The following KLHL1 variants were observed in gnomAD, a reference collection of about 807,000 sequenced individuals.
The protein encoded by KLHL1 is kelch like family member 1, also known as kelch-like protein 1.
KLHL1 carries 47 observed loss-of-function variants against 77.7 expected under a neutral mutation model. That is an observed-to-expected ratio of 0.60 (90% CI 0.48 to 0.77). The LOEUF (loss-of-function observed/expected upper bound fraction) is 0.77, where lower values mean the gene tolerates loss of function less well. KLHL1 is among the 30% of genes least tolerant of loss of function. The pLI is 0.00. For synonymous variants in KLHL1, 360 were observed against 325.2 expected, an observed-to-expected ratio of 1.11 and a Z score of -1.15; for missense variants, 925 against 910.8, an observed-to-expected ratio of 1.02 and a Z score of -0.20.
At position 69,706,267 on chromosome 13, in the gene KLHL1, CCTT is replaced by C. The variant is rs1447588121; in HGVS notation, c.2187+1355_2187+1357del. ...GATATTTCCCCTTCTTTTCTCTACT[CCTT>C]CTTTTTACTTACTTGGCTAAATGTA... On this transcript the variant is annotated intron_variant, in intron 10 of 10. Coordinates refer to ENST00000377844, the MANE Select transcript of KLHL1 (RefSeq NM_020866.3). Among the ~76,000 whole-genome samples the C allele has an allele frequency of 7.9e-5, 12 of 151,812 alleles. No individual in the cohort carries two copies. In the East Asian group the frequency reaches 1.5e-3, roughly 20 times the overall value.
intron 5 of KLHL1, among the ~76,000 whole-genome samples, chr13:69,859,514 T>C (rs992130645): frequency 1.9e-4 from 29 of 152,174 alleles, no homozygotes; most frequent in Admixed American, 1.6e-3. Flanking sequence ...CCCTCTAGGA[T>C]ATGCTAAAAA....
intron 7 of KLHL1, among the ~76,000 whole-genome samples, chr13:69,766,543 A>G (rs1875312845): frequency 6.6e-6 from 1 of 151,832 alleles, no homozygotes; most frequent in Admixed American, 6.6e-5. Flanking sequence ...AAAAAATAAT[A>G]ATGATACTTC....
intron 1 of KLHL1, among the ~76,000 whole-genome samples, chr13:70,095,146 C>T (rs1887756279): frequency 6.6e-6 from 1 of 152,086 alleles, no homozygotes; most frequent in South Asian, 2.1e-4. Context: ...TTGATCTACC[C>T]AGCATAATGA....
intron 5 of KLHL1, among the ~76,000 whole-genome samples, chr13:69,867,857 TG>T (rs1264843549): frequency 3.2e-4 from 24 of 74,182 alleles, no homozygotes; most frequent in Admixed American, 2.0e-3. Context: ...TGTTGTGGGG[TG>T]GGGGGAGGGG....
chr13:70,010,835 T>A (rs1426417636), intron 1 of KLHL1, among the ~76,000 whole-genome samples: 1 of 151,734 alleles, frequency 6.6e-6, no homozygotes, highest in African/African-American at 2.4e-5. Flanking sequence ...GAGGTTGCAG[T>A]GAGCCAAGAT....
chr13:70,007,426 C>A (rs1272375081), intron 1 of KLHL1, among the ~76,000 whole-genome samples: 1 of 150,442 alleles, frequency 6.6e-6, no homozygotes, highest in East Asian at 1.9e-4. Flanking sequence ...TCCTGGGCAA[C>A]ACAGCAATAT....
intron 1 of KLHL1, among the ~76,000 whole-genome samples, chr13:69,985,563 C>A (rs943733505): frequency 1.5e-4 from 23 of 151,338 alleles, no homozygotes; most frequent in Admixed American, 6.6e-5. Flanking sequence ...TTAGTACAGC[C>A]ATTATAGACC....
At chr13:69,885,867 T>C (rs1026846620) in intron 4 of KLHL1, among the ~76,000 whole-genome samples, 1 of 152,182 alleles carries the variant, frequency 6.6e-6, no homozygotes, top group Non-Finnish European at 1.5e-5. Flanking sequence ...CTCTGTAGAA[T>C]CCAGCTTTTC....
chr13:70,001,581 G>GTCCA (rs1885288767), intron 1 of KLHL1, among the ~76,000 whole-genome samples: 2 of 146,618 alleles, frequency 1.4e-5, no homozygotes, highest in African/African-American at 5.0e-5. Flanking sequence ...TGATCTATGT[G>GTCCA]TCTATCTATC....
At chr13:69,979,982 C>T (rs1884661069) in intron 1 of KLHL1, among the ~76,000 whole-genome samples, 2 of 152,212 alleles carry the variant, frequency 1.3e-5, no homozygotes, top group South Asian at 2.1e-4. Context: ...ACTTCCATAA[C>T]TACCCATCTA....
chr13:69,930,347 T>C (rs563942666), intron 4 of KLHL1, among the ~76,000 whole-genome samples: 1 of 151,854 alleles, frequency 6.6e-6, no homozygotes, highest in African/African-American at 2.4e-5. Flanking sequence ...CTGTGCAAAG[T>C]GATGTTGCAG....
chr13:70,078,926 C>T (rs1368957863), intron 1 of KLHL1, among the ~76,000 whole-genome samples: 3 of 152,112 alleles, frequency 2.0e-5, no homozygotes, highest in Admixed American at 2.0e-4. Flanking sequence ...TGATCTATCT[C>T]AAGGCATGCA....
intron 8 of KLHL1, among the ~76,000 whole-genome samples, chr13:69,732,339 C>A (rs911379577): frequency 6.6e-5 from 10 of 152,054 alleles, no homozygotes; most frequent in African/African-American, 2.4e-4. Flanking sequence ...AAAAACTTTC[C>A]TAAGCAGAAG....
intron 4 of KLHL1, among the ~76,000 whole-genome samples, chr13:69,934,312 A>C (rs1421037253): frequency 6.6e-6 from 1 of 152,088 alleles, no homozygotes; most frequent in East Asian, 1.9e-4. Flanking sequence ...CAGTCTCCGA[A>C]TATGTGGATG....
At chr13:69,998,382 T>A (rs193003338) in intron 1 of KLHL1, among the ~76,000 whole-genome samples, 3 of 152,122 alleles carry the variant, frequency 2.0e-5, no homozygotes, top group Admixed American at 2.0e-4. Flanking sequence ...ACAATTATAC[T>A]TCAACTTCCA....
chr13:69,872,005 C>A (rs1880605755), intron 5 of KLHL1, among the ~76,000 whole-genome samples: 1 of 152,130 alleles, frequency 6.6e-6, no homozygotes, highest in African/African-American at 2.4e-5. Flanking sequence ...AACACTGACT[C>A]TCCGTATCAA....
At chr13:69,748,917 A>G (rs1352228105) in intron 7 of KLHL1, among the ~76,000 whole-genome samples, 5 of 152,032 alleles carry the variant, frequency 3.3e-5, no homozygotes, top group African/African-American at 1.2e-4. Context: ...TAATTAAATT[A>G]AATTGTTTAG....
At chr13:69,955,773 G>A (rs530752446) in intron 3 of KLHL1, among the ~76,000 whole-genome samples, 1 of 149,406 alleles carries the variant, frequency 6.7e-6, no homozygotes, top group Non-Finnish European at 1.5e-5. Context: ...TTTTGGCTGT[G>A]ATTGAAATCC....
chr13:69,769,058 TTAACTAATTA>T (rs1272823834), intron 7 of KLHL1, among the ~76,000 whole-genome samples: 3 of 152,326 alleles, frequency 2.0e-5, no homozygotes, highest in Admixed American at 1.3e-4. Context: ...GAAAAATTGC[TTAACTAATTA>T]TTATCTACAA....
Sources: gnomAD v4.1 joint callset for allele counts (sites outside exome capture counted in the v4.1 genomes callset) on GRCh38, gnomAD v4.1.1 for gene constraint, MANE v1.5 for transcripts, NCBI Gene and HGNC (gene_info 2026-07-23, HGNC 2026-07-21) for gene names.